The following USP36 variants were observed in gnomAD, a reference collection of about 807,000 sequenced individuals.
USP36 encodes the protein ubiquitin carboxyl-terminal hydrolase 36.
Under a neutral mutation model 111.5 loss-of-function variants are expected in USP36, and 59 were observed. That is an observed-to-expected ratio of 0.53 (90% CI 0.43 to 0.66). The LOEUF is 0.66. Ranked by LOEUF, USP36 falls within the 30% of genes least tolerant of loss-of-function variation. The pLI is 0.00. For missense variants in USP36, 1,488 were observed against 1,468.0 expected (o/e 1.01, Z -0.22); for synonymous variants, 628 against 581.0 (o/e 1.08, Z -1.16).
rs1242666531 is a variant in USP36 at position 78,803,160 on chromosome 17, C to G, written c.2810+225G>C. ...CCATATTGCCTAGGCTGGTCTCAAA[C>G]TCCTGGGTTGAAGTGATCCACCCGC... is the stretch of plus-strand genomic sequence containing the variant. On this transcript the variant is annotated intron_variant, in intron 16 of 20. Transcript: ENST00000449938. The surrounding 1 kb of genome is among the most constrained non-coding windows in gnomAD (Gnocchi z 4.6). 6.6e-6 allele frequency among the ~76,000 whole-genome samples: 1 copy of G among 152,044 alleles called. No homozygotes were observed. Among genetic ancestry groups the G allele is most frequent in the Non-Finnish European group, 1.5e-5 (1 of 68,006 alleles).
Position 78,820,982 on chromosome 17 carries a change from G to C in USP36, c.828+9C>G. On this transcript the variant is annotated intron_variant, in intron 8 of 20. Transcript: ENST00000449938. ...TACTGCAAAAGTGAAGGGCAGGACAGATCTGTACCCGGATCTCCAGCGCGA... is the reference window on the plus strand; with the variant it reads ...TACTGCAAAAGTGAAGGGCAGGACACATCTGTACCCGGATCTCCAGCGCGA... 6.2e-7 allele frequency: 1 copy of C among 1,606,422 alleles called. No individual in the cohort carries two copies.
chr17:78,810,441 T>C (rs1003116662), intron 13 of USP36, among the ~76,000 whole-genome samples: 1 of 152,130 alleles, frequency 6.6e-6, no homozygotes, highest in Non-Finnish European at 1.5e-5. Context: ...GCACGTGCCA[T>C]TAAACCTGGC....
chr17:78,813,034 C>T (rs921959833), intron 12 of USP36, 33 bp from the exon 13 acceptor site: 11 of 1,612,626 alleles, frequency 6.8e-6, no homozygotes, highest in Non-Finnish European at 7.6e-6. Flanking sequence ...AGGGAATTCT[C>T]TTACTAGGCA....
At chr17:78,802,639 T>G (rs2145006839) in intron 16 of USP36, 104 bp from the exon 17 acceptor site, 1 of 1,145,710 alleles carries the variant, frequency 8.7e-7, no homozygotes. Context: ...ACCCCAGCTG[T>G]GACCCAGTGC....
In USP36 at chr17:78,798,535, T is replaced by G; in HGVS notation, c.3257A>C (p.Lys1086Thr). ...GTTTCTCCTCTTCTCTCTCTTAAATTTTTTAATTTTCTTTTCCTAGACCAA... is the reference window on the plus strand; with the variant it reads ...GTTTCTCCTCTTCTCTCTCTTAAATGTTTTAATTTTCTTTTCCTAGACCAA... Reference protein sequence around the residue: ...FDRGKEKKIKKFKREKRRNFN... With the variant: ...FDRGKEKKIKTFKREKRRNFN... Residue 1086 changes from lysine to threonine, a missense_variant, in exon 20 of 21, where the codon AAA (lysine) becomes ACA (threonine). By Grantham distance (78) the Lys-to-Thr change is moderately conservative. Coordinates refer to ENST00000449938, the MANE Select transcript of USP36 (RefSeq NM_001385174.1). This position sits in a 1 kb window ranked among gnomAD's most constrained non-coding sequence, Gnocchi z 5.1. 6.2e-7 allele frequency: 1 copy of G among 1,613,910 alleles called. No homozygotes were observed. Among genetic ancestry groups the G allele is most frequent in the Admixed American group, 1.7e-5 (1 of 59,988 alleles).
chr17:78,821,851 C>T, intron 7 of USP36, 86 bp downstream of exon 7: 1 of 1,495,616 alleles, frequency 6.7e-7, no homozygotes, highest in Non-Finnish European at 9.3e-7. Context: ...GAAGAAAGAG[C>T]CCCAGCCTGC....
intron 1 of USP36, among the ~76,000 whole-genome samples, chr17:78,839,019 T>C (rs894524032): frequency 6.6e-6 from 1 of 152,106 alleles, no homozygotes; most frequent in Admixed American, 6.5e-5. Context: ...TCAGCTCCAG[T>C]CTAATCTTAT....
At chr17:78,791,213 C>CA (rs2093581315), downstream of USP36, among the ~76,000 whole-genome samples, 1 of 150,958 alleles carries the variant, frequency 6.6e-6, no homozygotes, top group Non-Finnish European at 1.5e-5. Flanking sequence ...CGGCTCACCG[C>CA]AACCTCCACC....
intron 10 of USP36, among the ~76,000 whole-genome samples, 174 bp downstream of exon 10, chr17:78,818,493 C>T (rs1400125180): frequency 6.6e-6 from 1 of 152,214 alleles, no homozygotes; most frequent in East Asian, 1.9e-4. Flanking sequence ...TCTTCCCGTC[C>T]TGGACAAGGG....
At chr17:78,837,485 T>A (rs1295080566) in intron 2 of USP36, among the ~76,000 whole-genome samples, 1 of 152,014 alleles carries the variant, frequency 6.6e-6, no homozygotes, top group East Asian at 1.9e-4. Context: ...GCAACAAAAA[T>A]AATAGGCTTG....
intron 13 of USP36, among the ~76,000 whole-genome samples, chr17:78,811,059 T>C (rs903730251): frequency 2.2e-5 from 3 of 137,924 alleles, no homozygotes; most frequent in African/African-American, 5.5e-5. Context: ...GGCTGCATAG[T>C]GGCAGAGGCT....
At chr17:78,820,075 G>A (rs1304046015) in intron 8 of USP36, 63 bp from the exon 9 acceptor site, 2 of 1,563,938 alleles carry the variant, frequency 1.3e-6, no homozygotes, top group Non-Finnish European at 1.8e-6. Context: ...TTCAAGAAAT[G>A]CCAAATTTAA....
intron 13 of USP36, among the ~76,000 whole-genome samples, chr17:78,808,046 C>T (rs2093956213): frequency 6.6e-6 from 1 of 152,168 alleles, no homozygotes; most frequent in African/African-American, 2.4e-5. Context: ...AAAACCAGTA[C>T]ATTTTCATCA....
chr17:78,802,334 C>T lies in USP36; in HGVS notation c.3012G>A (p.Gly1004=), dbSNP rs200547470. 2.5e-6 allele frequency: 4 copies of T among 1,581,844 alleles called. No individual in the cohort carries two copies. Among genetic ancestry groups the T allele is most frequent in the African/African-American group, 1.3e-5 (1 of 74,332 alleles). The change falls in exon 17 of 21, where the codon GGG becomes GGA. Residue 1004 remains glycine, a synonymous_variant. Coordinates refer to ENST00000449938, the MANE Select transcript of USP36 (RefSeq NM_001385174.1). ...CAPSANGWCP[G]DRMGLSQAPP... Reference sequence around the variant, plus strand: ...TCGCCCGGTGCATACCCATGCGGTCCCCAGGACACCAGCCATTCGCGGATG... The same window carrying T: ...TCGCCCGGTGCATACCCATGCGGTCTCCAGGACACCAGCCATTCGCGGATG...
chr17:78,825,465 C>T (rs527886386), intron 6 of USP36, among the ~76,000 whole-genome samples: 10 of 152,140 alleles, frequency 6.6e-5, no homozygotes, highest in African/African-American at 2.2e-4. Flanking sequence ...CCTCATGGAC[C>T]GACATCTGGT....
At chr17:78,812,792 C>A in intron 13 of USP36, 68 bp downstream of exon 13, 1 of 1,574,568 alleles carries the variant, frequency 6.4e-7, no homozygotes, top group Non-Finnish European at 8.7e-7. Flanking sequence ...GCCAACTTCC[C>A]AAGTGTGAGG....
chr17:78,840,094 C>A (rs553878982), intron 1 of USP36, among the ~76,000 whole-genome samples: 222 of 152,314 alleles, frequency 1.5e-3, no homozygotes, highest in African/African-American at 5.2e-3. Context: ...GCGCCTGCCC[C>A]GAGCCCGGCC....
rs918690528 is a variant in USP36, at chr17:78,813,698, A to G, written c.1265+75T>C. On this transcript the variant is annotated intron_variant, in intron 12 of 20. Coordinates refer to ENST00000449938, the MANE Select transcript of USP36 (RefSeq NM_001385174.1). ...TTCCCAATTACCTTCAAACAAAAAA[A>G]GGTTAGGGAGGCCCACCGGTATAAG... 3.0e-6 allele frequency: 4 copies of G among 1,329,920 alleles called. No homozygotes were observed. In the African/African-American group the frequency reaches 4.4e-5, roughly 15 times the overall value. 82.4% of individuals were successfully genotyped at this position (1,329,920 alleles called of 1,614,324 possible). A position where few individuals can be genotyped will look rare whatever the true frequency, so the allele number is the denominator to read the frequency against.
downstream of USP36, among the ~76,000 whole-genome samples, chr17:78,792,617 G>A (rs1108430): frequency 0.055 from 8,393 of 152,248 alleles, 772 homozygotes; most frequent in African/African-American, 0.19. Context: ...GGTGTTTTAA[G>A]GAGCCCCTGG....
Sources: allele counts gnomAD v4.1 joint callset (sites outside exome capture counted in the v4.1 genomes callset), GRCh38; gene constraint gnomAD v4.1.1; non-coding constraint Gnocchi (gnomAD v3.1); transcripts MANE v1.5; gene names NCBI Gene and HGNC (gene_info 2026-07-23, HGNC 2026-07-21).